DSCAM: variants seen among roughly 807,000 people sequenced by gnomAD.
DSCAM encodes the protein cell adhesion molecule DSCAM.
DSCAM carries 47 observed loss-of-function variants against 217.7 expected under a neutral mutation model. The observed-to-expected ratio is 0.22, with a 90% confidence interval of 0.17 to 0.28. The LOEUF (loss-of-function observed/expected upper bound fraction) is 0.28. Ranked by LOEUF, DSCAM falls within the 10% of genes least tolerant of loss-of-function variation. DSCAM has a pLI of 1.00. For missense variants in DSCAM, 2,080 were observed against 2,618.3 expected (o/e 0.79, Z 4.49); for synonymous variants, 1,056 against 1,015.3 (o/e 1.04, Z -0.76).
At chr21:40,183,104 T>TTACCAGAGAAACCGTGGACGGGGGGGGC (rs1555886890) in intron 14 of DSCAM, among the ~76,000 whole-genome samples, 3 of 7,540 alleles carry the variant, frequency 4.0e-4, no homozygotes, top group African/African-American at 9.3e-4. Context: ...ACGGGGGGGG[T>TTACCAGAGAAACCGTGGACGGGGGGGGC]TACCAGAGAA....
chr21:40,478,762 G>T (rs1156670823), intron 3 of DSCAM, among the ~76,000 whole-genome samples: 1 of 152,092 alleles, frequency 6.6e-6, no homozygotes, highest in African/African-American at 2.4e-5. Context: ...CAGCTTCCAA[G>T]ACCCCCAATG....
intron 3 of DSCAM, among the ~76,000 whole-genome samples, chr21:40,560,020 C>T (rs1405334796): frequency 6.6e-6 from 1 of 152,180 alleles, no homozygotes; most frequent in South Asian, 2.1e-4. Context: ...GTCTCGATCT[C>T]CTGACCTCGT....
At chr21:40,299,762 T>A (rs2073994111) in intron 9 of DSCAM, among the ~76,000 whole-genome samples, 1 of 152,046 alleles carries the variant, frequency 6.6e-6, no homozygotes, top group Admixed American at 6.6e-5. Flanking sequence ...ATGACCATTA[T>A]CCCTAGGGAC....
rs941965753 is a variant in DSCAM at position 40,393,948 on chromosome 21, C to T, written c.509-24703G>A. 3.3e-5 allele frequency among the ~76,000 whole-genome samples: 5 copies of T among 152,168 alleles called. No individual in the cohort carries two copies. In the South Asian group the frequency reaches 8.3e-4, roughly 25 times the overall value. On this transcript the variant is annotated intron_variant, in intron 3 of 32. Transcript: ENST00000400454. The stretch of plus-strand genomic sequence containing the variant: ...CTGTTCTTGAGTGTTTCTAATATTT[C>T]ACCATTATAATTAAAATAAGTTTCC...
intron 3 of DSCAM, among the ~76,000 whole-genome samples, chr21:40,646,905 A>G (rs1405771060): frequency 6.6e-6 from 1 of 152,218 alleles, no homozygotes; most frequent in Non-Finnish European, 1.5e-5. Flanking sequence ...CCAGTCTCCA[A>G]GGGTTTCTGC....
intron 1 of DSCAM, among the ~76,000 whole-genome samples, chr21:40,816,927 G>A (rs186758252): frequency 7.2e-5 from 11 of 152,170 alleles, no homozygotes; most frequent in Non-Finnish European, 1.2e-4. Context: ...CTTCGAGCTC[G>A]CTCTTTTTTG....
At chr21:40,820,765 G>A (rs1374223609) in intron 1 of DSCAM, among the ~76,000 whole-genome samples, 1 of 152,066 alleles carries the variant, frequency 6.6e-6, no homozygotes, top group African/African-American at 2.4e-5. Context: ...CACCCAGTGT[G>A]GCCCTGAGCC....
chr21:40,242,453 ATG>A (rs1227892491), intron 11 of DSCAM, among the ~76,000 whole-genome samples: 1 of 152,108 alleles, frequency 6.6e-6, no homozygotes, highest in African/African-American at 2.4e-5. Context: ...GAAGTGCCAT[ATG>A]TGTCTTCTGA....
chr21:40,122,050 C>T (rs2090040755), intron 20 of DSCAM, among the ~76,000 whole-genome samples: 1 of 152,070 alleles, frequency 6.6e-6, no homozygotes, highest in South Asian at 2.1e-4. Flanking sequence ...GGTCAAATCC[C>T]ATTGTTCTGT....
chr21:40,242,104 G>A (rs1404319282), intron 11 of DSCAM, among the ~76,000 whole-genome samples: 1 of 151,094 alleles, frequency 6.6e-6, no homozygotes, highest in East Asian at 2.0e-4. Flanking sequence ...AGTGATATGT[G>A]TTTACCTATG....
At chr21:40,568,620 T>C (rs1268806580) in intron 3 of DSCAM, among the ~76,000 whole-genome samples, 8 of 152,248 alleles carry the variant, frequency 5.3e-5, no homozygotes, top group African/African-American at 1.9e-4. Flanking sequence ...TGCTGGAAGT[T>C]ATATTGATTT....
At chr21:40,670,378 CAA>C (rs35052398) in intron 3 of DSCAM, among the ~76,000 whole-genome samples, 118,563 of 151,734 alleles carry the variant, frequency 0.78, 48,831 homozygotes, top group East Asian at 0.98. Flanking sequence ...TCTACTAAAA[CAA>C]AAAAAAAATT....
chr21:40,643,861 A>G (rs2089911994), intron 3 of DSCAM, among the ~76,000 whole-genome samples: 1 of 152,170 alleles, frequency 6.6e-6, no homozygotes, highest in African/African-American at 2.4e-5. Flanking sequence ...TTAGTCTTGG[A>G]CTTCCAGCCT....
At chr21:40,238,462 G>A (rs372098758) in intron 11 of DSCAM, among the ~76,000 whole-genome samples, 32 of 152,274 alleles carry the variant, frequency 2.1e-4, no homozygotes, top group African/African-American at 7.5e-4. Flanking sequence ...GGACATCTGG[G>A]CCTAACAGCG....
intron 11 of DSCAM, among the ~76,000 whole-genome samples, chr21:40,217,914 G>T (rs2091257879): frequency 6.6e-6 from 1 of 151,992 alleles, no homozygotes; most frequent in South Asian, 2.1e-4. Context: ...ACCTTTACCA[G>T]ATGCATAGTT....
intron 1 of DSCAM, among the ~76,000 whole-genome samples, chr21:40,816,013 G>A (rs1164090853): frequency 6.6e-6 from 1 of 152,204 alleles, no homozygotes; most frequent in African/African-American, 2.4e-5. Flanking sequence ...AGATCCCAAA[G>A]TCAGAGAGGC....
intron 8 of DSCAM, among the ~76,000 whole-genome samples, chr21:40,312,928 C>A (rs973470207): frequency 6.6e-6 from 1 of 151,928 alleles, no homozygotes; most frequent in African/African-American, 2.4e-5. Context: ...GCCTGGGCAA[C>A]ATAACGGGAC....
intron 3 of DSCAM, among the ~76,000 whole-genome samples, chr21:40,437,927 A>G (rs1431818649): frequency 6.6e-6 from 1 of 152,226 alleles, no homozygotes; most frequent in Non-Finnish European, 1.5e-5. Flanking sequence ...AAGCTCTCAG[A>G]TTTGGCTTGC....
At chr21:40,534,391 G>T (rs556901602) in intron 3 of DSCAM, among the ~76,000 whole-genome samples, 2 of 152,288 alleles carry the variant, frequency 1.3e-5, no homozygotes, top group East Asian at 1.9e-4. Context: ...GCAAGTCAAG[G>T]TTTTACTTCC....
Sources: allele counts gnomAD v4.1 joint callset (sites outside exome capture counted in the v4.1 genomes callset), GRCh38; gene constraint gnomAD v4.1.1; transcripts MANE v1.5; gene names NCBI Gene and HGNC (gene_info 2026-07-23, HGNC 2026-07-21).